Variants in SMAD2 observed in about 807,000 individuals in gnomAD.
SMAD2 encodes MAD homolog 2.
Under a neutral mutation model 64.4 loss-of-function variants are expected in SMAD2, and 8 were observed. The ratio of observed to expected loss-of-function variants is 0.12; its 90% CI spans 0.07 to 0.22. The LOEUF (loss-of-function observed/expected upper bound fraction) is 0.22. SMAD2 is among the 10% of genes least tolerant of loss of function. The probability of loss-of-function intolerance (pLI) is 1.00; values close to 1 mark genes in which losing one functional copy is unlikely to be tolerated. For missense variants in SMAD2, 289 were observed against 561.2 expected, an observed-to-expected ratio of 0.51 and a Z score of 4.90; for synonymous variants, 203 against 195.8, an observed-to-expected ratio of 1.04 and a Z score of -0.31.
intron 1 of SMAD2, among the ~76,000 whole-genome samples, chr18:47,905,241 T>C (rs2033855776): frequency 6.6e-6 from 1 of 152,084 alleles, no homozygotes; most frequent in African/African-American, 2.4e-5. Context: ...TTTCTACATA[T>C]CTAAAGAAAG....
rs191485710 is a variant in SMAD2 at position 47,853,385 on chromosome 18, C to T, written c.731-2058G>A. 4.0e-5 allele frequency: 6 copies of T among 149,880 alleles called. 1 individual carries two copies. The highest frequency in any genetic ancestry group is 6.2e-5 in the Non-Finnish European group (6 of 97,556). The allele number at this position is 149,880 out of a possible 1,614,324, so 9.3% of individuals were successfully genotyped here. On this transcript the variant is annotated intron_variant, in intron 6 of 10. Transcript: ENST00000262160. Reference sequence around the variant, plus strand: ...GATGTAATTATTATACGAATGGGGGCTTCAACCGGGAGTACTACTCGATTG... The same window carrying T: ...GATGTAATTATTATACGAATGGGGGTTTCAACCGGGAGTACTACTCGATTG...
intron 7 of SMAD2, among the ~76,000 whole-genome samples, chr18:47,850,425 ATTATATATATTATG>A (rs1915190960): frequency 4.1e-5 from 1 of 24,190 alleles, no homozygotes; most frequent in African/African-American, 1.8e-4. Flanking sequence ...TATATAATAT[ATTATATATATTATG>A]TATAATATAT....
Position 47,903,881 on chromosome 18 carries a change from G to C in SMAD2, c.-53-7072C>G, listed in dbSNP as rs572648412. 7.7e-5 allele frequency among the ~76,000 whole-genome samples: 11 copies of C among 142,500 alleles called. 2 individuals carry two copies. Among genetic ancestry groups the C allele is most frequent in the Middle Eastern group, 3.2e-3 (1 of 308 alleles). 93.5% of individuals were successfully genotyped at this position (142,500 alleles called of 152,430 possible). ...CAAAGAGGGAAAAAACAGTGTGGGGGGGGGGGGGACTCAGAATATCCAAAA... is the reference window on the plus strand; with the variant it reads ...CAAAGAGGGAAAAAACAGTGTGGGGCGGGGGGGGACTCAGAATATCCAAAA... On this transcript the variant is annotated intron_variant, in intron 1 of 10. Transcript: ENST00000262160.
At chr18:47,856,912 C>T (rs905289902) in intron 6 of SMAD2, among the ~76,000 whole-genome samples, 12 of 136,716 alleles carry the variant, frequency 8.8e-5, no homozygotes, top group Admixed American at 2.4e-4. Context: ...GGCTGGAGTG[C>T]AGTGGCGGGA....
At chr18:47,889,252 A>G (rs1232153539) in intron 2 of SMAD2, among the ~76,000 whole-genome samples, 1 of 152,108 alleles carries the variant, frequency 6.6e-6, no homozygotes, top group Non-Finnish European at 1.5e-5. Context: ...ATGTGTGGGT[A>G]TTGTCTATCT....
At position 47,818,807 on chromosome 18, in the gene SMAD2, T is replaced by C. The variant is rs1036988215; in HGVS notation, c.*23020A>G. The C allele has an allele frequency of 6.6e-6, 1 of 152,200 alleles. No homozygotes were observed. Among genetic ancestry groups the C allele is most frequent in the African/African-American group, 2.4e-5 (1 of 41,442 alleles). The allele number at this position is 152,200 out of a possible 1,614,324, so 9.4% of individuals were successfully genotyped here. A position where few individuals can be genotyped will look rare whatever the true frequency, so the allele number is the denominator to read the frequency against. ...TCCAAACTGCTATTTACCAAAACTT[T>C]TGGTTCACAGCTTTCATAAGATTAC... is the stretch of plus-strand genomic sequence containing the variant. On this transcript the variant is annotated 3_prime_UTR_variant, in exon 11 of 11. Coordinates refer to ENST00000262160, the MANE Select transcript of SMAD2 (RefSeq NM_005901.6).
intron 1 of SMAD2, among the ~76,000 whole-genome samples, chr18:47,910,528 A>G (rs947843451): frequency 5.3e-5 from 8 of 152,298 alleles, no homozygotes; most frequent in Middle Eastern, 3.4e-3. Flanking sequence ...TGAAAATGCA[A>G]AAAGTCAGGC....
At chr18:47,930,738 A>G (rs1253663174), upstream of SMAD2, 2 of 144,030 alleles carry the variant, frequency 1.4e-5, no homozygotes, top group East Asian at 4.4e-4. Context: ...CTCCCCCGCC[A>G]GCCCACCTCC....
At chr18:47,885,453 C>T (rs1598835369) in intron 2 of SMAD2, among the ~76,000 whole-genome samples, 2 of 151,958 alleles carry the variant, frequency 1.3e-5, no homozygotes, top group African/African-American at 4.8e-5. Flanking sequence ...AAGGCATGAG[C>T]CACCGTGTCT....
At chr18:47,872,831 T>C (rs1304276008) in intron 2 of SMAD2, among the ~76,000 whole-genome samples, 1 of 152,144 alleles carries the variant, frequency 6.6e-6, no homozygotes, top group Non-Finnish European at 1.5e-5. Context: ...TTCATGACTC[T>C]GTCTCCTGGT....
At position 47,841,371 on chromosome 18, in the gene SMAD2, C is replaced by G. The variant is rs1913935881; in HGVS notation, c.*456G>C. On this transcript the variant is annotated 3_prime_UTR_variant, in exon 11 of 11. Coordinates refer to ENST00000262160, the MANE Select transcript of SMAD2 (RefSeq NM_005901.6). ...TATTAAAAAAGACACACAAAAATAA[C>G]AGAGAAGTGGGAATAACAGATTAGG... 1.3e-5 allele frequency: 3 copies of G among 238,248 alleles called. No homozygotes were observed. The highest frequency in any genetic ancestry group is 5.3e-5 in the Admixed American group (1 of 18,960). The allele number at this position is 238,248 out of a possible 1,614,324, so 14.8% of individuals were successfully genotyped here. A position where few individuals can be genotyped will look rare whatever the true frequency, so the allele number is the denominator to read the frequency against.
chr18:47,854,948 T>C (rs1192900735), intron 6 of SMAD2, among the ~76,000 whole-genome samples: 1 of 152,218 alleles, frequency 6.6e-6, no homozygotes, highest in Non-Finnish European at 1.5e-5. Context: ...TGTATCCATT[T>C]ACAGTTTCAA....
At chr18:47,889,824 TTACTG>T (rs1157480208) in intron 2 of SMAD2, among the ~76,000 whole-genome samples, 2 of 151,262 alleles carry the variant, frequency 1.3e-5, no homozygotes, top group African/African-American at 4.9e-5. Context: ...AAACAAAAGA[TTACTG>T]TAATTTTTTA....
chr18:47,844,411 C>A (rs1056329145), intron 10 of SMAD2, among the ~76,000 whole-genome samples: 2 of 152,174 alleles, frequency 1.3e-5, no homozygotes, highest in Non-Finnish European at 2.9e-5. Context: ...TGAAGAAAGA[C>A]TAAGTATTTT....
Position 47,828,165 on chromosome 18 carries a change from A to G in SMAD2, c.*13662T>C, listed in dbSNP as rs908268652. The G allele has an allele frequency of 2.7e-4, 42 of 153,976 alleles. No individual in the cohort carries two copies. The highest frequency in any genetic ancestry group is 1.1e-3 in the African/African-American group (41 of 38,990). 9.5% of individuals were successfully genotyped at this position (153,976 alleles called of 1,614,324 possible). A position where few individuals can be genotyped will look rare whatever the true frequency, so the allele number is the denominator to read the frequency against. On this transcript the variant is annotated 3_prime_UTR_variant, in exon 11 of 11. Coordinates refer to ENST00000262160, the MANE Select transcript of SMAD2 (RefSeq NM_005901.6). ...GAAGTGAGGAGCCCCTCCGCCCAGC[A>G]ACCACCCCGTCCGGGAAGTAAGGAG... is the stretch of plus-strand genomic sequence containing the variant.
chr18:47,857,668 T>G (rs951862428), intron 6 of SMAD2, among the ~76,000 whole-genome samples: 1 of 152,170 alleles, frequency 6.6e-6, no homozygotes, highest in African/African-American at 2.4e-5. Context: ...GGTAATCACT[T>G]TCACTACTGA....
At chr18:47,857,078 C>T (rs953233509) in intron 6 of SMAD2, among the ~76,000 whole-genome samples, 2 of 151,980 alleles carry the variant, frequency 1.3e-5, no homozygotes, top group South Asian at 2.1e-4. Flanking sequence ...GGGATGGTCT[C>T]GATCTCCTGA....
chr18:47,835,460 C>T lies in SMAD2; in HGVS notation c.*6367G>A. 5.0e-6 allele frequency: 1 copy of T among 200,148 alleles called. No individual in the cohort carries two copies. The highest frequency in any genetic ancestry group is 1.0e-5 in the Non-Finnish European group (1 of 97,086). The allele number at this position is 200,148 out of a possible 1,614,324, so 12.4% of individuals were successfully genotyped here. ...AAATTTTTTTTCAGCTCGAACAATC[C>T]AAGATTGGGAATAGTAAGAGTGGCA... is the stretch of plus-strand genomic sequence containing the variant. On this transcript the variant is annotated 3_prime_UTR_variant, in exon 11 of 11. Transcript: ENST00000262160.
intron 2 of SMAD2, among the ~76,000 whole-genome samples, chr18:47,894,607 G>A (rs141012512): frequency 3.9e-5 from 6 of 151,982 alleles, no homozygotes; most frequent in East Asian, 1.9e-4. Context: ...CCTTTACCCC[G>A]CTCAACTCAA....
Sources: allele counts gnomAD v4.1 joint callset (sites outside exome capture counted in the v4.1 genomes callset), GRCh38; gene constraint gnomAD v4.1.1; transcripts MANE v1.5; gene names NCBI Gene and HGNC (gene_info 2026-07-23, HGNC 2026-07-21).